Variants in NPAS3 observed in about 807,000 individuals in gnomAD.
NPAS3 encodes the protein neuronal PAS domain protein 3, also known as neuronal PAS domain-containing protein 3.
In NPAS3, 14 loss-of-function variants were observed where a neutral mutation model predicts 73.1. The ratio of observed to expected loss-of-function variants is 0.19; its 90% CI spans 0.13 to 0.30. NPAS3 has a LOEUF of 0.30. Among genes scored for constraint, NPAS3 ranks in the 10% least tolerant of loss-of-function variants. The pLI is 1.00. For synonymous variants in NPAS3, 620 were observed against 541.5 expected (o/e 1.14, Z -2.01); for missense variants, 1,096 against 1,250.0 (o/e 0.88, Z 1.86).
chr14:33,640,414 T>C (rs1317184221), intron 5 of NPAS3, among the ~76,000 whole-genome samples: 7 of 152,218 alleles, frequency 4.6e-5, no homozygotes, highest in Admixed American at 2.0e-4. Flanking sequence ...TTCTGACATT[T>C]CTGAGACTCT....
At chr14:33,698,264 C>G (rs1479072353) in intron 6 of NPAS3, among the ~76,000 whole-genome samples, 4 of 152,170 alleles carry the variant, frequency 2.6e-5, no homozygotes, top group Non-Finnish European at 4.4e-5. Flanking sequence ...CCAGAATTTT[C>G]AGAAGATAAA....
At chr14:33,391,019 A>G (rs896136196) in intron 4 of NPAS3, among the ~76,000 whole-genome samples, 3 of 152,112 alleles carry the variant, frequency 2.0e-5, no homozygotes, top group Non-Finnish European at 4.4e-5. Context: ...TAGGTATCCT[A>G]ACTATTTGTA....
chr14:33,354,792 C>T (rs1354951159), intron 3 of NPAS3, among the ~76,000 whole-genome samples: 1 of 152,204 alleles, frequency 6.6e-6, no homozygotes, highest in Admixed American at 6.5e-5. Flanking sequence ...TCACAAAGCT[C>T]TCTCAGTCCT....
intron 2 of NPAS3, among the ~76,000 whole-genome samples, chr14:33,058,748 C>T (rs973582637): frequency 1.3e-5 from 2 of 152,150 alleles, no homozygotes; most frequent in African/African-American, 4.8e-5. Flanking sequence ...TATAACTGCA[C>T]ATATGTGTTT....
chr14:33,023,429 C>G (rs1375096547), intron 1 of NPAS3, among the ~76,000 whole-genome samples: 2 of 152,044 alleles, frequency 1.3e-5, no homozygotes, highest in African/African-American at 4.8e-5. Flanking sequence ...TATCTTATTT[C>G]CTAATTTGAC....
At chr14:33,542,655 G>T (rs2054574774) in intron 4 of NPAS3, among the ~76,000 whole-genome samples, 2 of 152,270 alleles carry the variant, frequency 1.3e-5, no homozygotes, top group African/African-American at 4.8e-5. Flanking sequence ...ATTAACTTAG[G>T]ATTCTAAAAT....
chr14:33,639,440 G>A (rs1033466014), intron 5 of NPAS3, among the ~76,000 whole-genome samples: 1 of 152,138 alleles, frequency 6.6e-6, no homozygotes, highest in Admixed American at 6.5e-5. Flanking sequence ...AAGTTATAAT[G>A]TATTTGGCTT....
intron 4 of NPAS3, among the ~76,000 whole-genome samples, chr14:33,446,455 G>A (rs1203576537): frequency 7.9e-5 from 12 of 152,166 alleles, no homozygotes; most frequent in East Asian, 1.9e-4. Flanking sequence ...GATTACAGGC[G>A]TGAGCCACCG....
At chr14:33,041,316 C>A (rs1218973162) in intron 1 of NPAS3, among the ~76,000 whole-genome samples, 2 of 151,976 alleles carry the variant, frequency 1.3e-5, no homozygotes, top group South Asian at 2.1e-4. Context: ...TTCCCTGTAC[C>A]AGTAGGAAAT....
chr14:33,638,088 A>G (rs896282240), intron 5 of NPAS3, among the ~76,000 whole-genome samples: 5 of 152,254 alleles, frequency 3.3e-5, no homozygotes, highest in East Asian at 1.9e-4. Context: ...AGCTGATTCT[A>G]TGTTGGTGAC....
intron 4 of NPAS3, among the ~76,000 whole-genome samples, chr14:33,403,383 ATGCAATAG>A (rs1205799971): frequency 6.6e-6 from 1 of 152,108 alleles, no homozygotes; most frequent in Non-Finnish European, 1.5e-5. Flanking sequence ...CTAAGAAAAA[ATGCAATAG>A]TACAATACAT....
rs1228646166 is a variant in NPAS3 at position 33,342,071 on chromosome 14, G to A, written c.386-25115G>A. On this transcript the variant is annotated intron_variant, in intron 3 of 11. Transcript: ENST00000356141. Reference sequence around the variant, plus strand: ...CCCCAACCTTTTTCTCACTTTCAGTGTCTTCCACGTGTCCTGACAGAAATA... The same window carrying A: ...CCCCAACCTTTTTCTCACTTTCAGTATCTTCCACGTGTCCTGACAGAAATA... 2.0e-5 allele frequency among the ~76,000 whole-genome samples: 3 copies of A among 152,126 alleles called. No homozygotes were observed. In the East Asian group the frequency reaches 5.8e-4, roughly 29 times the overall value.
At chr14:33,626,142 A>T (rs2058212016) in intron 5 of NPAS3, among the ~76,000 whole-genome samples, 1 of 152,206 alleles carries the variant, frequency 6.6e-6, no homozygotes, top group Non-Finnish European at 1.5e-5. Context: ...TTTCTCCCAC[A>T]TCATGTCTGT....
intron 2 of NPAS3, among the ~76,000 whole-genome samples, chr14:33,100,156 G>T (rs2042541284): frequency 6.6e-6 from 1 of 152,034 alleles, no homozygotes; most frequent in Non-Finnish European, 1.5e-5. Flanking sequence ...AGTTAAGAAA[G>T]GGATGACTTT....
intron 3 of NPAS3, among the ~76,000 whole-genome samples, chr14:33,273,622 A>G (rs1297528254): frequency 6.6e-6 from 1 of 152,200 alleles, no homozygotes; most frequent in African/African-American, 2.4e-5. Context: ...AGTCAAACCA[A>G]ATAGTTTAGA....
intron 2 of NPAS3, among the ~76,000 whole-genome samples, chr14:33,093,353 A>G (rs942456835): frequency 2.0e-5 from 3 of 152,254 alleles, no homozygotes; most frequent in Admixed American, 6.5e-5. Context: ...TATGCAGCCA[A>G]CAGACACATG....
intron 9 of NPAS3, among the ~76,000 whole-genome samples, chr14:33,783,593 G>C (rs2063049166): frequency 6.9e-6 from 1 of 145,258 alleles, no homozygotes; most frequent in Non-Finnish European, 1.5e-5. Flanking sequence ...TTTTTGGGGG[G>C]GTGGTGTGGG....
chr14:33,167,595 A>C (rs1427816005), intron 2 of NPAS3, among the ~76,000 whole-genome samples: 1 of 152,208 alleles, frequency 6.6e-6, no homozygotes, highest in Non-Finnish European at 1.5e-5. Context: ...ATAGAAGATA[A>C]TACTAATTTT....
At chr14:33,606,890 TA>T (rs1003566192) in intron 5 of NPAS3, among the ~76,000 whole-genome samples, 9 of 151,504 alleles carry the variant, frequency 5.9e-5, no homozygotes, top group African/African-American at 7.3e-5. Flanking sequence ...AACTCAGTAA[TA>T]AAAAAAAATT....
Sources: allele counts gnomAD v4.1 joint callset (sites outside exome capture counted in the v4.1 genomes callset), GRCh38; gene constraint gnomAD v4.1.1; transcripts MANE v1.5; gene names NCBI Gene and HGNC (gene_info 2026-07-23, HGNC 2026-07-21).